Variants in TNRC18 observed in about 807,000 individuals in gnomAD.
The protein encoded by TNRC18 is trinucleotide repeat containing 18.
Under a neutral mutation model 226.7 loss-of-function variants are expected in TNRC18, and 69 were observed. That is an observed-to-expected ratio of 0.30 (90% CI 0.25 to 0.37). TNRC18 has a LOEUF of 0.37. Among genes scored for constraint, TNRC18 ranks in the 10% least tolerant of loss-of-function variants. TNRC18 has a pLI of 1.00. For synonymous variants in TNRC18, 2,449 were observed against 1,927.6 expected, an observed-to-expected ratio of 1.27 and a Z score of -7.09; for missense variants, 4,754 against 4,256.6, an observed-to-expected ratio of 1.12 and a Z score of -3.25.
At chr7:5,351,708 G>C (rs1390321452) in intron 17 of TNRC18, 111 bp downstream of exon 17, 17 of 1,264,348 alleles carry the variant, frequency 1.3e-5, no homozygotes, top group Non-Finnish European at 1.7e-5. Flanking sequence ...ATCCGCACGG[G>C]CCTCCTCACC....
chr7:5,348,917 C>G (rs1012850912), intron 17 of TNRC18, among the ~76,000 whole-genome samples: 8 of 140,226 alleles, frequency 5.7e-5, no homozygotes, highest in Admixed American at 1.5e-4. Flanking sequence ...TCCCCCACAT[C>G]AGGTCTCCCT....
chr7:5,355,391 G>A (rs185335935), intron 16 of TNRC18, among the ~76,000 whole-genome samples: 2 of 152,188 alleles, frequency 1.3e-5, no homozygotes, highest in African/African-American at 4.8e-5. Flanking sequence ...ACTTTGGGAG[G>A]CTGAGGCAGG....
At chr7:5,387,298 G>C (rs537241280) in intron 5 of TNRC18, among the ~76,000 whole-genome samples, 1 of 152,128 alleles carries the variant, frequency 6.6e-6, no homozygotes, top group Non-Finnish European at 1.5e-5. Context: ...GCTAGGTACC[G>C]GGGACACTGG....
At chr7:5,358,771 G>A (rs138300029) in intron 15 of TNRC18, among the ~76,000 whole-genome samples, 2,338 of 152,292 alleles carry the variant, frequency 0.015, 58 homozygotes, top group Admixed American at 0.066. Context: ...CCGAGATCGT[G>A]CCACGGCACT....
In TNRC18 at chr7:5,357,216, T is replaced by C. The variant is rs1227129721; in HGVS notation, c.4894A>G (p.Lys1632Glu). 6.2e-7 allele frequency: 1 copy of C among 1,612,282 alleles called. No individual in the cohort carries two copies. Among genetic ancestry groups the C allele is most frequent in the Non-Finnish European group, 8.5e-7 (1 of 1,179,344 alleles). The change falls in exon 16 of 30, where the codon AAG (lysine) becomes GAG (glutamate). Residue 1632 changes from lysine (K) to glutamate (E), a missense_variant. Coordinates refer to ENST00000430969, the MANE Select transcript of TNRC18 (RefSeq NM_001080495.3). Reference sequence around the variant, plus strand: ...TCCTGCTTGGTGAGGGAGAGGGCCTTGTCGAGCTTGCTTGCCAACTGCTCC... The same window carrying C: ...TCCTGCTTGGTGAGGGAGAGGGCCTCGTCGAGCTTGCTTGCCAACTGCTCC... ...DQEQLASKLD[K>E]ALSLTKQDKL...
rs181686214 is a variant in TNRC18 at position 5,336,019 on chromosome 7, C to T, written c.5720-2970G>A. Reference sequence around the variant, plus strand: ...GTGAGGAGTTTGAGACCAGCCTGGCCAACATGGCAAAACCCCATCTCTACA... The same window carrying T: ...GTGAGGAGTTTGAGACCAGCCTGGCTAACATGGCAAAACCCCATCTCTACA... On this transcript the variant is annotated intron_variant, in intron 18 of 29. Coordinates refer to ENST00000430969, the MANE Select transcript of TNRC18 (RefSeq NM_001080495.3). Among the ~76,000 whole-genome samples the T allele has an allele frequency of 1.4e-4, 21 of 151,908 alleles. No homozygotes were observed. The East Asian group carries it at 3.3e-3, about 24-fold the overall frequency.
Position 5,320,320 on chromosome 7 carries a change from C to T in TNRC18, c.6743G>A (p.Arg2248Gln), listed in dbSNP as rs1172452201. 4.5e-6 allele frequency: 7 copies of T among 1,552,092 alleles called. No individual in the cohort carries two copies. The highest frequency in any genetic ancestry group is 2.4e-5 in the East Asian group (1 of 41,092). The change falls in exon 24 of 30, where the codon CGA becomes CAA. Residue 2248 changes from arginine (R) to glutamine (Q), a missense_variant and splice_region_variant. Physicochemically the swap from Arg to Gln is conservative, Grantham distance 43 (BLOSUM62 1). Transcript: ENST00000430969. Reference protein sequence around the residue: ...YRCLYPGTVVRGLLDLEDDGD... With the variant: ...YRCLYPGTVVQGLLDLEDDGD... ...GAGCTGGGGAGGAGGCATCTCACCTCGGACCACAGTGCCTGGGTAGAGACA... is the reference window on the plus strand; with the variant it reads ...GAGCTGGGGAGGAGGCATCTCACCTTGGACCACAGTGCCTGGGTAGAGACA...
At chr7:5,387,442 C>A (rs968304229) in intron 5 of TNRC18, among the ~76,000 whole-genome samples, 1 of 152,232 alleles carries the variant, frequency 6.6e-6, no homozygotes, top group Non-Finnish European at 1.5e-5. Context: ...AGACTGAAAG[C>A]AACGTTCCGA....
rs765972240 is a variant in TNRC18, at chr7:5,312,488, C to T, written c.8388+15G>A. 19 of 1,608,520 alleles carry T rather than the reference C, an allele frequency of 1.2e-5. No homozygotes were observed. Among genetic ancestry groups the T allele is most frequent in the East Asian group, 4.5e-5 (2 of 44,842 alleles). ...CCCCGGCCCCTCGGCCGTGCCCGGG[C>T]GCGAGCTTGCTCACCTGGGTGGGCT... is the stretch of plus-strand genomic sequence containing the variant. On this transcript the variant is annotated intron_variant, in intron 27 of 29. Transcript: ENST00000430969. The surrounding 1 kb of genome is among the most constrained non-coding windows in gnomAD (Gnocchi z 6.3).
At position 5,308,027 on chromosome 7, in the gene TNRC18, G is replaced by A. The variant is rs1786734542; in HGVS notation, c.*79C>T. Reference sequence around the variant, plus strand: ...GCGCTCGCATGCACACAACGCACGTGGTCTCCGCGCCATGGCAGTGATGGA... The same window carrying A: ...GCGCTCGCATGCACACAACGCACGTAGTCTCCGCGCCATGGCAGTGATGGA... On this transcript the variant is annotated 3_prime_UTR_variant, in exon 30 of 30. Coordinates refer to ENST00000430969, the MANE Select transcript of TNRC18 (RefSeq NM_001080495.3). 2 of 1,344,676 alleles carry A rather than the reference G, an allele frequency of 1.5e-6. No homozygotes were observed. The highest frequency in any genetic ancestry group is 1.0e-6 in the Non-Finnish European group (1 of 978,106). 83.3% of individuals were successfully genotyped at this position (1,344,676 alleles called of 1,614,324 possible).
In TNRC18 at chr7:5,389,191, GC is replaced by G; in HGVS notation, c.632del (p.Gly211AlafsTer31). ...AAAGCGGAGGCGGCTCCCCGCCGCG[GC>G]CCGCCCGCTCCTTGGCTGGACCGTC... ...SRDGPAKERA[G>X]RGGEPPPLFG... On this transcript the variant is annotated frameshift_variant, in exon 5 of 30. Coordinates refer to ENST00000430969, the MANE Select transcript of TNRC18 (RefSeq NM_001080495.3). LOFTEE classifies it high-confidence loss of function. 1 of 1,322,260 alleles carries G rather than the reference GC, an allele frequency of 7.6e-7. No homozygotes were observed. The allele number at this position is 1,322,260 out of a possible 1,614,324, so 81.9% of individuals were successfully genotyped here.
chr7:5,325,584 T>C (rs956105556), intron 19 of TNRC18: 19 of 281,994 alleles, frequency 6.7e-5, no homozygotes, highest in Middle Eastern at 1.2e-3. Context: ...CCACCACACC[T>C]GGCTAATGTT....
chr7:5,355,522 TG>T (rs1356779433), intron 16 of TNRC18, among the ~76,000 whole-genome samples: 1 of 151,978 alleles, frequency 6.6e-6, no homozygotes, highest in African/African-American at 2.4e-5. Context: ...GAGGCTAAAG[TG>T]GGATGCTTGC....
Position 5,308,052 on chromosome 7 carries a change from A to G in TNRC18, c.*54T>C. On this transcript the variant is annotated 3_prime_UTR_variant, in exon 30 of 30. Transcript: ENST00000430969. ...GGTCTCCGCGCCATGGCAGTGATGG[A>G]GATGGGTCCCTGGCCGCCCTCGGGG... 6.7e-7 allele frequency: 1 copy of G among 1,489,810 alleles called. No homozygotes were observed. The highest frequency in any genetic ancestry group is 1.2e-5 in the South Asian group (1 of 81,348). The allele number at this position is 1,489,810 out of a possible 1,614,324, so 92.3% of individuals were successfully genotyped here.
In TNRC18 at chr7:5,389,147, C is replaced by T. The variant is rs1395755813; in HGVS notation, c.677G>A (p.Arg226His). Residue 226 changes from arginine (R) to histidine (H), a missense_variant, in exon 5 of 30, where the codon CGC becomes CAC. Transcript: ENST00000430969. ...CCCCGAGGCCTCCTCGCCCCGGGCG[C>T]GCGGGTCCTTCTTGCCGAAAAGCGG... ...PPPLFGKKDP[R>H]ARGEEASGPR... The T allele has an allele frequency of 4.5e-6, 6 of 1,321,840 alleles. No individual in the cohort carries two copies. Among genetic ancestry groups the T allele is most frequent in the Non-Finnish European group, 5.8e-6 (6 of 1,036,092 alleles). The allele number at this position is 1,321,840 out of a possible 1,614,324, so 81.9% of individuals were successfully genotyped here. A position where few individuals can be genotyped will look rare whatever the true frequency, so the allele number is the denominator to read the frequency against.
At chr7:5,369,211 G>T (rs1793924472) in intron 11 of TNRC18, among the ~76,000 whole-genome samples, 1 of 152,150 alleles carries the variant, frequency 6.6e-6, no homozygotes, top group South Asian at 2.1e-4. Context: ...AGCCAGGCAT[G>T]GTGGCACATG....
chr7:5,345,526 A>ACCCCCCCCCCCCCCCCCCC, intron 18 of TNRC18, 36 bp downstream of exon 18: 1 of 177,498 alleles, frequency 5.6e-6, no homozygotes, highest in Non-Finnish European at 1.1e-5. Flanking sequence ...CGCCCCTCCC[A>ACCCCCCCCCCCCCCCCCCC]CCCACCCCCA....
chr7:5,401,884 C>T (rs770569613), intron 2 of TNRC18, among the ~76,000 whole-genome samples: 10 of 152,190 alleles, frequency 6.6e-5, no homozygotes, highest in Middle Eastern at 6.8e-3. Context: ...AGCTTAAGAA[C>T]GGCCTGGTTG....
intron 18 of TNRC18, 45 bp downstream of exon 18, chr7:5,345,517 G>GGGGGGCCCCCCCCCCCCCCCCCCCCCCC: frequency 2.6e-6 from 1 of 377,740 alleles, no homozygotes; most frequent in Non-Finnish European, 4.8e-6. Context: ...AATGGCGTCC[G>GGGGGGCCCCCCCCCCCCCCCCCCCCCCC]CCCCTCCCAC....
Sources: allele counts gnomAD v4.1 joint callset (sites outside exome capture counted in the v4.1 genomes callset), GRCh38; gene constraint gnomAD v4.1.1; non-coding constraint Gnocchi (gnomAD v3.1); transcripts MANE v1.5; gene names NCBI Gene and HGNC (gene_info 2026-07-23, HGNC 2026-07-21).